The following RERG variants were observed in gnomAD, a reference collection of about 807,000 sequenced individuals.
RERG encodes the protein ras-related and estrogen-regulated growth inhibitor.
Under a neutral mutation model 23.2 loss-of-function variants are expected in RERG, and 25 were observed. That is an observed-to-expected ratio of 1.08 (90% CI 0.79 to 1.50). RERG has a LOEUF of 1.50. RERG is among the 40% of genes most tolerant of loss of function. The pLI is 0.00. For synonymous variants in RERG, 81 were observed against 89.1 expected, an observed-to-expected ratio of 0.91 and a Z score of 0.51; for missense variants, 253 against 250.1, an observed-to-expected ratio of 1.01 and a Z score of -0.08.
chr12:15,190,089 T>C (rs1865048576), intron 2 of RERG, among the ~76,000 whole-genome samples: 1 of 152,084 alleles, frequency 6.6e-6, no homozygotes, highest in East Asian at 1.9e-4. Flanking sequence ...TTCAATTCTG[T>C]AAGAATTAAA....
chr12:15,154,393 T>C (rs1432903479), intron 2 of RERG: 1 of 152,190 alleles, frequency 6.6e-6, no homozygotes, highest in Non-Finnish European at 1.5e-5. Flanking sequence ...GGCAAATCTG[T>C]TGGAAAAACT....
At chr12:15,166,187 G>A (rs541849339) in intron 2 of RERG, among the ~76,000 whole-genome samples, 15 of 152,340 alleles carry the variant, frequency 9.8e-5, no homozygotes, top group African/African-American at 3.6e-4. Flanking sequence ...GCCTTGGCCA[G>A]GATGTGGCTG....
intron 2 of RERG, among the ~76,000 whole-genome samples, chr12:15,149,190 G>A (rs1183523950): frequency 4.6e-5 from 7 of 151,864 alleles, no homozygotes; most frequent in Non-Finnish European, 1.0e-4. Context: ...AACTCTTAAT[G>A]TTCAATATCT....
chr12:15,142,126 T>C (rs928387801), intron 2 of RERG, among the ~76,000 whole-genome samples: 5 of 152,228 alleles, frequency 3.3e-5, no homozygotes, highest in African/African-American at 9.6e-5. Context: ...AATCACAAAA[T>C]ATTGATTATT....
intron 2 of RERG, among the ~76,000 whole-genome samples, chr12:15,200,029 G>T (rs1179243571): frequency 6.6e-6 from 1 of 152,000 alleles, no homozygotes; most frequent in Admixed American, 6.6e-5. Context: ...CACACGAAGT[G>T]CACAAACTTA....
At position 15,120,993 on chromosome 12, in the gene RERG, G is replaced by C. The variant is rs1863820112; in HGVS notation, c.118+70C>G. On this transcript the variant is annotated intron_variant, in intron 3 of 4. Transcript: ENST00000256953. The stretch of plus-strand genomic sequence containing the variant: ...AAAGGAGCTTAAAAATGTTGCAACA[G>C]AAAACATTATTCTTTCTTTGGGGCC... The C allele has an allele frequency of 3.4e-6, 4 of 1,172,968 alleles. No individual in the cohort carries two copies. In the South Asian group the frequency reaches 5.1e-5, roughly 15 times the overall value. The allele number at this position is 1,172,968 out of a possible 1,614,324, so 72.7% of individuals were successfully genotyped here.
rs139746057 is a variant in RERG, at chr12:15,124,001, A to G, written c.62-2882T>C. 9.1e-3 allele frequency among the ~76,000 whole-genome samples: 1,391 copies of G among 152,228 alleles called. 20 individuals are homozygous for G. Among genetic ancestry groups the G allele is most frequent in the African/African-American group, 0.032 (1,349 of 41,544 alleles). ...CCTCCTTTTGCCTAATTTACAACCT[A>G]CTTGGCTAATTCTTCATCATCTGTG... On this transcript the variant is annotated intron_variant, in intron 2 of 4. Coordinates refer to ENST00000256953, the MANE Select transcript of RERG (RefSeq NM_032918.3).
At chr12:15,157,552 AC>A (rs1220846701) in intron 2 of RERG, among the ~76,000 whole-genome samples, 1 of 152,244 alleles carries the variant, frequency 6.6e-6, no homozygotes, top group African/African-American at 2.4e-5. Flanking sequence ...GAGATAACTT[AC>A]CAGAGTGTCC....
At chr12:15,171,134 G>T (rs1275173657) in intron 2 of RERG, among the ~76,000 whole-genome samples, 5 of 152,238 alleles carry the variant, frequency 3.3e-5, no homozygotes, top group Non-Finnish European at 2.9e-5. Context: ...ATGCACCCAT[G>T]TGCTGAGGGA....
intron 2 of RERG, among the ~76,000 whole-genome samples, chr12:15,140,250 C>G (rs988455289): frequency 6.6e-6 from 1 of 152,072 alleles, no homozygotes; most frequent in African/African-American, 2.4e-5. Context: ...TGAGAGTTCT[C>G]TCACTCTTTT....
intron 2 of RERG, among the ~76,000 whole-genome samples, chr12:15,143,676 T>A (rs975683751): frequency 6.6e-6 from 1 of 152,188 alleles, no homozygotes; most frequent in Non-Finnish European, 1.5e-5. Context: ...TCAAGCTTCA[T>A]GGTCCTTAGA....
At chr12:15,175,229 G>A (rs1247401722) in intron 2 of RERG, among the ~76,000 whole-genome samples, 1 of 150,486 alleles carries the variant, frequency 6.6e-6, no homozygotes, top group African/African-American at 2.5e-5. Flanking sequence ...TTCATAGTGT[G>A]TAACCACGGT....
intron 2 of RERG, among the ~76,000 whole-genome samples, chr12:15,150,573 C>T (rs1864424121): frequency 1.3e-5 from 2 of 152,122 alleles, no homozygotes; most frequent in South Asian, 2.1e-4. Flanking sequence ...TTTATGTTCC[C>T]AGATCTGTTC....
Position 15,109,454 on chromosome 12 carries a change from T to C in RERG, c.256A>G (p.Ile86Val). Residue 86 changes from isoleucine (I) to valine (V), a missense_variant, in exon 5 of 5, where the codon ATT becomes GTT. Transcript: ENST00000256953. ...WGEGFVLVYDITDRGSFEEVL... is the reference protein window; with the variant it reads ...WGEGFVLVYDVTDRGSFEEVL... ...TCCTCAAAACTTCCTCGGTCAGTAA[T>C]GTCGTAGACCAGCACAAAGCCTTCC... The C allele has an allele frequency of 6.2e-7, 1 of 1,614,022 alleles. No individual in the cohort carries two copies. Among genetic ancestry groups the C allele is most frequent in the Non-Finnish European group, 8.5e-7 (1 of 1,179,956 alleles).
intron 2 of RERG, among the ~76,000 whole-genome samples, chr12:15,176,402 T>A (rs1864851860): frequency 6.6e-6 from 1 of 152,166 alleles, no homozygotes; most frequent in African/African-American, 2.4e-5. Flanking sequence ...CTCTCCTTTT[T>A]ATTCCCCTTA....
chr12:15,210,878 C>A (rs996727553), intron 2 of RERG, among the ~76,000 whole-genome samples: 2 of 152,098 alleles, frequency 1.3e-5, no homozygotes, highest in Non-Finnish European at 2.9e-5. Context: ...TATTTTAGGA[C>A]AACAAAAAGG....
chr12:15,122,140 G>A (rs1386601683), intron 2 of RERG, among the ~76,000 whole-genome samples: 1 of 151,932 alleles, frequency 6.6e-6, no homozygotes, highest in African/African-American at 2.4e-5. Flanking sequence ...TAATTTAGCA[G>A]GCTCATGAGC....
At chr12:15,156,618 C>A (rs1012646254) in intron 2 of RERG, among the ~76,000 whole-genome samples, 1 of 152,162 alleles carries the variant, frequency 6.6e-6, no homozygotes, top group Non-Finnish European at 1.5e-5. Context: ...AATGAAATTA[C>A]TAGGTTCAGA....
chr12:15,186,694 T>C (rs1864997587), intron 2 of RERG, among the ~76,000 whole-genome samples: 1 of 152,192 alleles, frequency 6.6e-6, no homozygotes, highest in Non-Finnish European at 1.5e-5. Flanking sequence ...CCATATGGGA[T>C]AAATGACAAA....
Sources: gnomAD v4.1 joint callset for allele counts (sites outside exome capture counted in the v4.1 genomes callset) on GRCh38, gnomAD v4.1.1 for gene constraint, MANE v1.5 for transcripts, NCBI Gene and HGNC (gene_info 2026-07-23, HGNC 2026-07-21) for gene names.